AQR: variants seen among roughly 807,000 people sequenced by gnomAD.
AQR encodes the protein aquarius intron-binding spliceosomal factor.
A neutral mutation model predicts 180.5 loss-of-function variants in AQR; 61 were observed. That is an observed-to-expected ratio of 0.34 (90% CI 0.28 to 0.42). The LOEUF (loss-of-function observed/expected upper bound fraction) is 0.42. Among genes scored for constraint, AQR ranks in the 10% least tolerant of loss-of-function variants. AQR has a pLI of 1.00. For missense variants in AQR, 1,281 were observed against 1,798.3 expected, an observed-to-expected ratio of 0.71 and a Z score of 5.20; for synonymous variants, 551 against 588.8, an observed-to-expected ratio of 0.94 and a Z score of 0.93.
At chr15:34,892,610 A>C (rs1893167015) in intron 23 of AQR, among the ~76,000 whole-genome samples, 1 of 152,232 alleles carries the variant, frequency 6.6e-6, no homozygotes, top group African/African-American at 2.4e-5. Context: ...GATACTCCTC[A>C]ACTTACAATG....
intron 1 of AQR, among the ~76,000 whole-genome samples, chr15:34,965,378 T>C (rs980449861): frequency 1.3e-5 from 2 of 152,154 alleles, no homozygotes; most frequent in African/African-American, 4.8e-5. Flanking sequence ...CCTACTTAAA[T>C]GACACCTTCC....
intron 6 of AQR, among the ~76,000 whole-genome samples, chr15:34,942,913 C>T (rs1894047846): frequency 6.6e-6 from 1 of 152,156 alleles, no homozygotes; most frequent in Non-Finnish European, 1.5e-5. Flanking sequence ...CAATAATAAA[C>T]TAGTTTGGTA....
chr15:34,936,912 C>T (rs1240018925), intron 9 of AQR, among the ~76,000 whole-genome samples: 5 of 152,096 alleles, frequency 3.3e-5, no homozygotes, highest in African/African-American at 9.7e-5. Flanking sequence ...TAGCTCAAAG[C>T]GCTCAATGTT....
intron 17 of AQR, among the ~76,000 whole-genome samples, chr15:34,908,209 T>C (rs904907420): frequency 2.6e-5 from 4 of 152,144 alleles, no homozygotes; most frequent in Non-Finnish European, 5.9e-5. Context: ...CCCAGCACTT[T>C]AGGAAGCTGA....
intron 27 of AQR, among the ~76,000 whole-genome samples, chr15:34,877,578 A>G (rs1436238982): frequency 1.3e-5 from 2 of 151,720 alleles, no homozygotes; most frequent in Non-Finnish European, 2.9e-5. Context: ...GATAACAGGT[A>G]TAATATGCAA....
chr15:34,892,880 C>T (rs1229814989), intron 23 of AQR, among the ~76,000 whole-genome samples: 3 of 152,106 alleles, frequency 2.0e-5, no homozygotes, highest in Admixed American at 6.5e-5. Flanking sequence ...ACTTGAAGTA[C>T]AATTTCTGCT....
chr15:34,889,397 T>G (rs554901697), intron 24 of AQR, among the ~76,000 whole-genome samples: 1 of 152,366 alleles, frequency 6.6e-6, no homozygotes, highest in Non-Finnish European at 1.5e-5. Flanking sequence ...ATATCATGTT[T>G]AATAGCCAAA....
chr15:34,956,721 C>G (rs1383278036), intron 3 of AQR, among the ~76,000 whole-genome samples: 1 of 106,666 alleles, frequency 9.4e-6, no homozygotes, highest in East Asian at 2.9e-4. Flanking sequence ...AAAAAAGAAC[C>G]AGGGAACCAG....
At chr15:34,881,080 C>G (rs1023230210) in intron 27 of AQR, among the ~76,000 whole-genome samples, 1 of 152,142 alleles carries the variant, frequency 6.6e-6, no homozygotes, top group African/African-American at 2.4e-5. Context: ...AGAACACAGG[C>G]AAAAGCTCCA....
At chr15:34,866,322 T>G (rs1417399648) in intron 32 of AQR, among the ~76,000 whole-genome samples, 1 of 152,126 alleles carries the variant, frequency 6.6e-6, no homozygotes, top group Non-Finnish European at 1.5e-5. Context: ...ATGAAGAAGT[T>G]GGAGTTTCAA....
Position 34,890,206 on chromosome 15 carries a change from T to C in AQR, c.2681+9A>G. The C allele has an allele frequency of 2.5e-6, 4 of 1,608,276 alleles. No homozygotes were observed. Among genetic ancestry groups the C allele is most frequent in the East Asian group, 2.2e-5 (1 of 44,788 alleles). ...TTTTTTACACTGTTACTCACTCCCA[T>C]TTGCTCACCTGCTGAAATCTTTCTC... On this transcript the variant is annotated intron_variant, in intron 24 of 34. Transcript: ENST00000156471.
At position 34,860,105 on chromosome 15, in the gene AQR, C is replaced by T; in HGVS notation, c.4080G>A (p.Gln1360=). 3 of 1,523,130 alleles carry T rather than the reference C, an allele frequency of 2.0e-6. No individual in the cohort carries two copies. The highest frequency in any genetic ancestry group is 2.7e-6 in the Non-Finnish European group (3 of 1,123,606). The allele number at this position is 1,523,130 out of a possible 1,614,324, so 94.4% of individuals were successfully genotyped here. A position where few individuals can be genotyped will look rare whatever the true frequency, so the allele number is the denominator to read the frequency against. ...HEVQIIKNMP[Q]MANFVYNMYM... ...ACATGTTGTATACAAAGTTTGCCAT[C>T]TGGGGCATATTTTTTATTATTTGTA... Residue 1360 remains glutamine, a synonymous_variant, in exon 34 of 35, where the codon CAG becomes CAA. Coordinates refer to ENST00000156471, the MANE Select transcript of AQR (RefSeq NM_014691.3).
rs527461945 is a variant in AQR at position 34,959,853 on chromosome 15, A to G, written c.173+921T>C. Among the ~76,000 whole-genome samples, 5 of 152,266 alleles carry G rather than the reference A, an allele frequency of 3.3e-5. No individual in the cohort carries two copies. The East Asian group carries it at 9.7e-4, about 29-fold the overall frequency. On this transcript the variant is annotated intron_variant, in intron 3 of 34. Coordinates refer to ENST00000156471, the MANE Select transcript of AQR (RefSeq NM_014691.3). ...CTGCCTCTTGCTCCCTCCAAATCCA[A>G]ATTCTTGCTGGGTGCAGTGGCTAAT...
chr15:34,899,362 G>A (rs961002116), intron 20 of AQR, among the ~76,000 whole-genome samples: 4 of 151,988 alleles, frequency 2.6e-5, no homozygotes, highest in South Asian at 2.1e-4. Flanking sequence ...TAAAGGATAC[G>A]TATATTTAAA....
chr15:34,861,287 T>C (rs1057099560), intron 33 of AQR, among the ~76,000 whole-genome samples: 1 of 152,208 alleles, frequency 6.6e-6, no homozygotes, highest in African/African-American at 2.4e-5. Flanking sequence ...TGGTCAGAAC[T>C]CGTATGTACA....
At chr15:34,915,699 A>G (rs1027645376) in intron 15 of AQR, among the ~76,000 whole-genome samples, 5 of 151,894 alleles carry the variant, frequency 3.3e-5, no homozygotes, top group African/African-American at 9.7e-5. Flanking sequence ...TAATCCCAGC[A>G]CTTTGGGAAG....
intron 4 of AQR, among the ~76,000 whole-genome samples, chr15:34,948,980 CCTTA>C (rs1412744059): frequency 1.3e-5 from 2 of 151,772 alleles, no homozygotes; most frequent in African/African-American, 2.4e-5. Context: ...CCGGATATTC[CCTTA>C]CTTAAGGCTT....
intron 8 of AQR, among the ~76,000 whole-genome samples, chr15:34,940,258 A>G (rs1369634218): frequency 1.3e-5 from 2 of 152,230 alleles, no homozygotes; most frequent in Non-Finnish European, 2.9e-5. Context: ...GGCTGGGTGC[A>G]GTGGCTCACG....
At chr15:34,898,122 G>A (rs1247014168) in intron 20 of AQR, among the ~76,000 whole-genome samples, 1 of 152,180 alleles carries the variant, frequency 6.6e-6, no homozygotes, top group Non-Finnish European at 1.5e-5. Flanking sequence ...CAGAGGCCAA[G>A]TACAAGCAGC....
Sources: allele counts gnomAD v4.1 joint callset (sites outside exome capture counted in the v4.1 genomes callset), GRCh38; gene constraint gnomAD v4.1.1; transcripts MANE v1.5; gene names NCBI Gene and HGNC (gene_info 2026-07-23, HGNC 2026-07-21).